The following ZNF333 variants were observed in gnomAD, a reference collection of about 807,000 sequenced individuals.
The protein encoded by ZNF333 is zinc finger protein 333.
Under a neutral mutation model 76.1 loss-of-function variants are expected in ZNF333, and 61 were observed. The ratio of observed to expected loss-of-function variants is 0.80; its 90% CI spans 0.65 to 0.99. The LOEUF is 0.99. Among genes scored for constraint, ZNF333 ranks in the 50% least tolerant of loss-of-function variants. ZNF333 has a pLI of 0.00. For missense variants in ZNF333, 717 were observed against 822.4 expected (o/e 0.87, Z 1.57); for synonymous variants, 284 against 305.0 (o/e 0.93, Z 0.72).
chr19:14,730,107 C>A (rs1234976077), intron 11 of ZNF333, among the ~76,000 whole-genome samples: 2 of 152,196 alleles, frequency 1.3e-5, no homozygotes, highest in Non-Finnish European at 2.9e-5. Flanking sequence ...GGCTGGAGTA[C>A]AATGGCACAA....
chr19:14,718,157 C>A, intron 11 of ZNF333, 71 bp from the exon 12 acceptor site: 2 of 1,525,380 alleles, frequency 1.3e-6, no homozygotes, highest in South Asian at 1.3e-5. Flanking sequence ...TTCTTACATT[C>A]ATTTCACATA....
At chr19:14,707,742 G>A (rs1372743483) in intron 7 of ZNF333, among the ~76,000 whole-genome samples, 3 of 150,536 alleles carry the variant, frequency 2.0e-5, no homozygotes, top group Non-Finnish European at 4.4e-5. Flanking sequence ...TAGTAGAGAC[G>A]GGGTTTCACC....
At chr19:14,716,393 G>C (rs2042432630) in intron 9 of ZNF333, among the ~76,000 whole-genome samples, 155 bp downstream of exon 9, 1 of 152,004 alleles carries the variant, frequency 6.6e-6, no homozygotes. Context: ...CGAGTAGCTG[G>C]GACCACAGGG....
chr19:14,692,988 A>G (rs1012028540), intron 1 of ZNF333, among the ~76,000 whole-genome samples: 1 of 151,252 alleles, frequency 6.6e-6, no homozygotes, highest in Admixed American at 6.6e-5. Flanking sequence ...CACCATGCCC[A>G]GCTAATTTTT....
In ZNF333 at chr19:14,701,637, C is replaced by T. The variant is rs181166484; in HGVS notation, c.306+2356C>T. 1.3e-4 allele frequency: 129 copies of T among 985,392 alleles called. 3 individuals are homozygous for T. The African/African-American group carries it at 1.4e-3, about 11-fold the overall frequency. The allele number at this position is 985,392 out of a possible 1,614,324, so 61.0% of individuals were successfully genotyped here. On this transcript the variant is annotated intron_variant, in intron 5 of 11. Coordinates refer to ENST00000292530, the MANE Select transcript of ZNF333 (RefSeq NM_032433.4). ...GGAGGGAGAATGAGCAACGAGGGCCCGGTGCCCTCTTTGTTTCTGTGGGCT... is the reference window on the plus strand; with the variant it reads ...GGAGGGAGAATGAGCAACGAGGGCCTGGTGCCCTCTTTGTTTCTGTGGGCT...
chr19:14,701,743 A>C (rs947370031), intron 5 of ZNF333: 7 of 985,448 alleles, frequency 7.1e-6, no homozygotes, highest in Admixed American at 6.2e-5. Flanking sequence ...ATGGGTGCTG[A>C]GAGTGGCAGG....
intron 4 of ZNF333, among the ~76,000 whole-genome samples, chr19:14,697,225 A>G (rs1017852368): frequency 6.6e-6 from 1 of 152,126 alleles, no homozygotes; most frequent in African/African-American, 2.4e-5. Flanking sequence ...GCTGAATAAT[A>G]TACATTGTAT....
chr19:14,701,524 G>A (rs1599708142), intron 5 of ZNF333: 5 of 953,540 alleles, frequency 5.2e-6, no homozygotes, highest in Non-Finnish European at 6.2e-6. Context: ...AATGGATAAG[G>A]TGTTGCAGAA....
chr19:14,727,488 A>G (rs561184363), intron 11 of ZNF333, among the ~76,000 whole-genome samples: 13 of 152,312 alleles, frequency 8.5e-5, no homozygotes, highest in Non-Finnish European at 1.9e-4. Flanking sequence ...CAAGAGACAG[A>G]GTAGAGACGT....
Position 14,694,020 on chromosome 19 carries a change from C to T in ZNF333, c.3+526C>T, listed in dbSNP as rs184569935. On this transcript the variant is annotated intron_variant, in intron 2 of 11. Coordinates refer to ENST00000292530, the MANE Select transcript of ZNF333 (RefSeq NM_032433.4). ...AAAAAAAAAAATTAAAAAGTTTAAG[C>T]GCTCAGTTTCTCAGTCGCCCCAGTC... Among the ~76,000 whole-genome samples, 4 of 151,002 alleles carry T rather than the reference C, an allele frequency of 2.6e-5. No homozygotes were observed. In the East Asian group the frequency reaches 5.9e-4, roughly 22 times the overall value.
chr19:14,718,114 A>C (rs1450085713), intron 11 of ZNF333, 114 bp from the exon 12 acceptor site: 1 of 1,402,314 alleles, frequency 7.1e-7, no homozygotes. Flanking sequence ...GGACTCCATA[A>C]ATGGTAAAAG....
intron 7 of ZNF333, chr19:14,715,007 TA>T: frequency 5.3e-6 from 1 of 188,458 alleles, no homozygotes. Context: ...TTATGGAGTC[TA>T]TGGCTCTTGG....
At chr19:14,727,104 T>TA (rs942239333) in intron 11 of ZNF333, among the ~76,000 whole-genome samples, 17 of 132,794 alleles carry the variant, frequency 1.3e-4, no homozygotes, top group Non-Finnish European at 2.2e-4. Flanking sequence ...CTTGGCTCAC[T>TA]ACAAGCTCCG....
intron 11 of ZNF333, among the ~76,000 whole-genome samples, chr19:14,728,641 C>T (rs144921466): frequency 5.1e-4 from 77 of 152,230 alleles, no homozygotes; most frequent in African/African-American, 7.0e-4. Context: ...TGACCTATGA[C>T]GACAATGGAA....
At chr19:14,729,441 C>T (rs185390346) in intron 11 of ZNF333, among the ~76,000 whole-genome samples, 23 of 152,150 alleles carry the variant, frequency 1.5e-4, no homozygotes, top group Admixed American at 3.9e-4. Flanking sequence ...TCACTGCAGC[C>T]TCAAACTACT....
Position 14,720,604 on chromosome 19 carries a change from T to C in ZNF333, c.*1279T>C, listed in dbSNP as rs1349071097. 1.0e-6 allele frequency: 1 copy of C among 983,180 alleles called. No individual in the cohort carries two copies. Among genetic ancestry groups the C allele is most frequent in the East Asian group, 1.1e-4 (1 of 8,830 alleles). 60.9% of individuals were successfully genotyped at this position (983,180 alleles called of 1,614,324 possible). ...ACTTCTTACTGGTACAGTTTTCTTT[T>C]GTTTGTTTTTGTTTTTGGTGGGAGG... is the stretch of plus-strand genomic sequence containing the variant. On this transcript the variant is annotated 3_prime_UTR_variant, in exon 12 of 12. Coordinates refer to ENST00000292530, the MANE Select transcript of ZNF333 (RefSeq NM_032433.4).
At chr19:14,698,856 A>C (rs28626266) in intron 4 of ZNF333, among the ~76,000 whole-genome samples, 1 of 148,560 alleles carries the variant, frequency 6.7e-6, no homozygotes, top group African/African-American at 2.5e-5. Context: ...AACAAAAAAC[A>C]AAAAACAAAA....
chr19:14,691,676 C>CTCT, intron 1 of ZNF333, among the ~76,000 whole-genome samples: 1 of 121,982 alleles, frequency 8.2e-6, no homozygotes. Flanking sequence ...GTCATATTGT[C>CTCT]TTTTTTTTTT....
Position 14,720,694 on chromosome 19 carries a change from T to G in ZNF333, c.*1369T>G, listed in dbSNP as rs2042567024. 2.0e-6 allele frequency: 2 copies of G among 985,280 alleles called. No homozygotes were observed. Among genetic ancestry groups the G allele is most frequent in the South Asian group, 4.7e-5 (1 of 21,294 alleles). The allele number at this position is 985,280 out of a possible 1,614,324, so 61.0% of individuals were successfully genotyped here. A position where few individuals can be genotyped will look rare whatever the true frequency, so the allele number is the denominator to read the frequency against. On this transcript the variant is annotated 3_prime_UTR_variant, in exon 12 of 12. Coordinates refer to ENST00000292530, the MANE Select transcript of ZNF333 (RefSeq NM_032433.4). The stretch of plus-strand genomic sequence containing the variant: ...GTATATGTCAGTTTTTATAAATGCT[T>G]CATGGATGGTTGAAATCAATGTATT...
Sources: gnomAD v4.1 joint callset for allele counts (sites outside exome capture counted in the v4.1 genomes callset) on GRCh38, gnomAD v4.1.1 for gene constraint, MANE v1.5 for transcripts, NCBI Gene and HGNC (gene_info 2026-07-23, HGNC 2026-07-21) for gene names.